Variants in ZFR observed in about 807,000 individuals in gnomAD.
The protein encoded by ZFR is zinc finger RNA-binding protein.
In ZFR, 19 loss-of-function variants were observed where a neutral mutation model predicts 130.7. The ratio of observed to expected loss-of-function variants is 0.15; its 90% CI spans 0.10 to 0.21. The LOEUF (loss-of-function observed/expected upper bound fraction) is 0.21. Among genes scored for constraint, ZFR ranks in the 10% least tolerant of loss-of-function variants. ZFR has a pLI of 1.00. For synonymous variants in ZFR, 466 were observed against 456.9 expected, an observed-to-expected ratio of 1.02 and a Z score of -0.25; for missense variants, 872 against 1,321.5, an observed-to-expected ratio of 0.66 and a Z score of 5.27.
At chr5:32,371,763 A>C (rs1474260343) in intron 17 of ZFR, among the ~76,000 whole-genome samples, 1 of 152,124 alleles carries the variant, frequency 6.6e-6, no homozygotes, top group Non-Finnish European at 1.5e-5. Context: ...AAAAATGGTA[A>C]TCATTCACAT....
rs181757669 is a variant in ZFR at position 32,411,446 on chromosome 5, G to A, written c.784+3523C>T. ...GCTCATGCCTGTAATCTCAGCACTT[G>A]GAGAGGCCGAGGTAGGTGGGTAACC... On this transcript the variant is annotated intron_variant, in intron 5 of 19. Coordinates refer to ENST00000265069, the MANE Select transcript of ZFR (RefSeq NM_016107.5). Among the ~76,000 whole-genome samples the A allele has an allele frequency of 3.6e-3, 542 of 152,110 alleles. 1 individual carries two copies. Among genetic ancestry groups the A allele is most frequent in the Non-Finnish European group, 5.6e-3 (384 of 68,000 alleles).
chr5:32,389,099 A>C (rs1435831892), intron 12 of ZFR, among the ~76,000 whole-genome samples: 5 of 152,200 alleles, frequency 3.3e-5, no homozygotes, highest in Non-Finnish European at 4.4e-5. Flanking sequence ...TAGAGAAACA[A>C]ATCTTGTTTT....
intron 6 of ZFR, 120 bp downstream of exon 6, chr5:32,406,654 T>C (rs1753585180): frequency 7.5e-7 from 1 of 1,336,718 alleles, no homozygotes; most frequent in Non-Finnish European, 9.7e-7. Flanking sequence ...ACTTAAAAAA[T>C]GCACTGGCTA....
intron 2 of ZFR, among the ~76,000 whole-genome samples, chr5:32,431,081 C>T (rs968591808): frequency 2.6e-5 from 4 of 152,028 alleles, no homozygotes; most frequent in African/African-American, 7.2e-5. Context: ...TCTCAAAAAA[C>T]GAAAGCAAGA....
At chr5:32,388,155 A>G (rs1239417450) in intron 13 of ZFR, among the ~76,000 whole-genome samples, 1 of 152,212 alleles carries the variant, frequency 6.6e-6, no homozygotes, top group African/African-American at 2.4e-5. Context: ...CAGAAGCAAC[A>G]AACAAATAAG....
Position 32,400,105 on chromosome 5 carries a change from C to T in ZFR, c.1615G>A (p.Glu539Lys). 1 of 1,613,636 alleles carries T rather than the reference C, an allele frequency of 6.2e-7. No homozygotes were observed. Among genetic ancestry groups the T allele is most frequent in the East Asian group, 2.2e-5 (1 of 44,870 alleles). Residue 539 changes from glutamate to lysine, a missense_variant, in exon 9 of 20, where the codon GAA becomes AAA. Coordinates refer to ENST00000265069, the MANE Select transcript of ZFR (RefSeq NM_016107.5). ...TCTGACACTGTGTCTTGCTTTACTT[C>T]AGGAATCTGCACAGCAGAAGTGACA... is the stretch of plus-strand genomic sequence containing the variant. ...TPVTSAVQIP[E>K]VKQDTVSEPV...
intron 12 of ZFR, among the ~76,000 whole-genome samples, chr5:32,389,818 T>C (rs1258294556): frequency 6.6e-6 from 1 of 152,130 alleles, no homozygotes; most frequent in East Asian, 1.9e-4. Context: ...CATATTCCCT[T>C]CCTATAAAAA....
intron 9 of ZFR, 132 bp from the exon 10 acceptor site, chr5:32,397,470 C>CCAGG: frequency 8.5e-7 from 1 of 1,176,002 alleles, no homozygotes; most frequent in Admixed American, 2.7e-5. Flanking sequence ...TTTTTTTTCC[C>CCAGG]CAGGACAGAG....
intron 17 of ZFR, among the ~76,000 whole-genome samples, chr5:32,377,786 A>C (rs1237846758): frequency 1.3e-5 from 2 of 151,948 alleles, no homozygotes; most frequent in Admixed American, 6.6e-5. Context: ...TCCCGGGTTC[A>C]AGTGATTCTC....
At chr5:32,373,027 G>C (rs901013937) in intron 17 of ZFR, among the ~76,000 whole-genome samples, 2 of 152,030 alleles carry the variant, frequency 1.3e-5, no homozygotes, top group Non-Finnish European at 2.9e-5. Flanking sequence ...TACATTTTTC[G>C]AATCACGATG....
intron 19 of ZFR, among the ~76,000 whole-genome samples, chr5:32,358,585 A>C (rs894422939): frequency 6.6e-6 from 1 of 152,088 alleles, no homozygotes; most frequent in Non-Finnish European, 1.5e-5. Flanking sequence ...TGAACCCCGG[A>C]GGCGGCTGCA....
intron 2 of ZFR, among the ~76,000 whole-genome samples, chr5:32,424,022 T>A (rs891617930): frequency 2.6e-5 from 4 of 152,122 alleles, no homozygotes; most frequent in African/African-American, 9.7e-5. Flanking sequence ...GAAGATATAT[T>A]CCAGCTAAAA....
intron 5 of ZFR, among the ~76,000 whole-genome samples, chr5:32,408,050 T>C (rs1753615834): frequency 6.7e-6 from 1 of 149,590 alleles, no homozygotes. Flanking sequence ...GTGCATGCTT[T>C]ATTTTTATAA....
chr5:32,385,297 A>G (rs1295739400), intron 15 of ZFR, among the ~76,000 whole-genome samples: 2 of 152,060 alleles, frequency 1.3e-5, no homozygotes, highest in East Asian at 3.9e-4. Flanking sequence ...AATCAATCAT[A>G]CCATAGTGTT....
intron 2 of ZFR, among the ~76,000 whole-genome samples, chr5:32,428,756 G>C (rs1754132729): frequency 6.6e-6 from 1 of 152,176 alleles, no homozygotes; most frequent in African/African-American, 2.4e-5. Context: ...AGAATGCACA[G>C]TGCATGAGTG....
At chr5:32,444,137 T>G in intron 2 of ZFR, 92 bp downstream of exon 2, 6 of 1,421,768 alleles carry the variant, frequency 4.2e-6, no homozygotes, top group Non-Finnish European at 5.6e-6. Flanking sequence ...GGCTCTGGGA[T>G]GGCTGGGGAC....
chr5:32,393,825 A>G (rs780414477), intron 11 of ZFR, among the ~76,000 whole-genome samples: 6 of 152,196 alleles, frequency 3.9e-5, no homozygotes, highest in Admixed American at 1.3e-4. Flanking sequence ...ATATTCTATT[A>G]TTAGCAACTA....
chr5:32,383,761 C>T (rs1425835613), intron 15 of ZFR: 8 of 456,430 alleles, frequency 1.8e-5, no homozygotes, highest in Non-Finnish European at 3.1e-5. Context: ...GAATACATAC[C>T]GTTATTCTGC....
intron 11 of ZFR, chr5:32,394,271 T>C (rs1379264585): frequency 6.1e-6 from 1 of 164,764 alleles, no homozygotes; most frequent in Admixed American, 6.5e-5. Context: ...TCAGTATTAT[T>C]TAGTCATAAA....
Sources: gnomAD v4.1 joint callset for allele counts (sites outside exome capture counted in the v4.1 genomes callset) on GRCh38, gnomAD v4.1.1 for gene constraint, MANE v1.5 for transcripts, NCBI Gene and HGNC (gene_info 2026-07-23, HGNC 2026-07-21) for gene names.